Variants in NXPE1 observed in about 807,000 individuals in gnomAD.
NXPE1 encodes the protein NXPE family member 1.
A neutral mutation model predicts 33.3 loss-of-function variants in NXPE1; 31 were observed. That is an observed-to-expected ratio of 0.93 (90% CI 0.70 to 1.26). The LOEUF is 1.26. Ranked by LOEUF, NXPE1 falls within the 50% of genes most tolerant of loss-of-function variation. The pLI, the probability that NXPE1 is intolerant of heterozygous loss-of-function variation, is 0.00. For synonymous variants in NXPE1, 229 were observed against 231.4 expected, an observed-to-expected ratio of 0.99 and a Z score of 0.09; for missense variants, 661 against 655.6, an observed-to-expected ratio of 1.01 and a Z score of -0.09.
Position 114,523,101 on chromosome 11 carries a change from A to G in NXPE1, c.896-10T>C, listed in dbSNP as rs1321127203. 3.1e-6 allele frequency: 5 copies of G among 1,595,000 alleles called. No homozygotes were observed. The highest frequency in any genetic ancestry group is 3.4e-6 in the Non-Finnish European group (4 of 1,163,474). ...TCTATTTTTTCTCTCTCTGGTAACA[A>G]AGACACTCGTAAATGATTTTATTGG... On this transcript the variant is annotated splice_polypyrimidine_tract_variant and intron_variant, in intron 7 of 8. Transcript: ENST00000534921.
Position 114,530,926 on chromosome 11 carries a change from G to T in NXPE1, c.100-18C>A. On this transcript the variant is annotated intron_variant, in intron 5 of 8. Transcript: ENST00000534921. ...GACCAAAGCTGAAATGACAAGGATT[G>T]TGATATACTATGAAATTAACCTGTC... 1.3e-6 allele frequency: 2 copies of T among 1,572,584 alleles called. No homozygotes were observed. The highest frequency in any genetic ancestry group is 1.7e-6 in the Non-Finnish European group (2 of 1,163,188).
chr11:114,521,635 G>A (rs60907030), downstream of NXPE1: 886 of 216,488 alleles, frequency 4.1e-3, 7 homozygotes, highest in African/African-American at 0.019. Context: ...CTTTTCAATA[G>A]ACAGAGCTAG....
intron 5 of NXPE1, among the ~76,000 whole-genome samples, chr11:114,549,969 G>T (rs2135103483): frequency 6.6e-6 from 1 of 151,968 alleles, no homozygotes; most frequent in East Asian, 1.9e-4. Context: ...TCCAATATAT[G>T]GCAGCAAAAT....
chr11:114,536,692 T>C (rs913125132), intron 5 of NXPE1, among the ~76,000 whole-genome samples: 1 of 152,166 alleles, frequency 6.6e-6, no homozygotes, highest in South Asian at 2.1e-4. Context: ...AAGAAATGGA[T>C]AAATTCCTTG....
chr11:114,540,807 C>A, intron 5 of NXPE1, among the ~76,000 whole-genome samples: 1 of 128,106 alleles, frequency 7.8e-6, no homozygotes, highest in Non-Finnish European at 1.6e-5. Context: ...AGTCTACTAG[C>A]AGAGTAGCTA....
intron 7 of NXPE1, chr11:114,526,496 A>G (rs1947373836): frequency 1.5e-5 from 1 of 65,894 alleles, no homozygotes; most frequent in Admixed American, 1.4e-4. Context: ...ATTTTAAACC[A>G]CAAAGTGGAT....
chr11:114,557,058 A>G (rs1263116789), intron 1 of NXPE1, among the ~76,000 whole-genome samples: 1 of 151,670 alleles, frequency 6.6e-6, no homozygotes, highest in Non-Finnish European at 1.5e-5. Context: ...ACACCTGGCC[A>G]ATTTTTTGTA....
At chr11:114,534,815 T>G (rs1947735298) in intron 5 of NXPE1, among the ~76,000 whole-genome samples, 1 of 152,188 alleles carries the variant, frequency 6.6e-6, no homozygotes, top group Non-Finnish European at 1.5e-5. Context: ...TTGGTGTACC[T>G]GAAAGTGACG....
intron 7 of NXPE1, among the ~76,000 whole-genome samples, chr11:114,526,238 A>C (rs1947365571): frequency 6.6e-6 from 1 of 152,184 alleles, no homozygotes; most frequent in Non-Finnish European, 1.5e-5. Context: ...GGATTAGCTC[A>C]ATGAGACCAG....
intron 6 of NXPE1, chr11:114,528,835 G>T (rs1186450996): frequency 3.0e-6 from 2 of 676,984 alleles, no homozygotes; most frequent in East Asian, 2.7e-5. Context: ...GTGCCATCCT[G>T]AGAAGAGAAA....
At chr11:114,525,765 A>T (rs1021343506) in intron 7 of NXPE1, among the ~76,000 whole-genome samples, 4 of 152,162 alleles carry the variant, frequency 2.6e-5, no homozygotes, top group Admixed American at 1.3e-4. Context: ...GTTTTGCACC[A>T]TTTAGTGAAG....
At chr11:114,537,106 G>C (rs555937990) in intron 5 of NXPE1, among the ~76,000 whole-genome samples, 79 of 152,088 alleles carry the variant, frequency 5.2e-4, no homozygotes, top group Non-Finnish European at 9.1e-4. Flanking sequence ...TTCAACCCTG[G>C]GATGCAAGGC....
intron 1 of NXPE1, chr11:114,553,843 ACAT>A: frequency 2.1e-6 from 2 of 958,354 alleles, no homozygotes; most frequent in South Asian, 4.8e-5. Context: ...TCATTCAGTG[ACAT>A]CATCTTGGTA....
intron 1 of NXPE1, among the ~76,000 whole-genome samples, chr11:114,557,625 T>C (rs540015326): frequency 1.7e-4 from 19 of 113,944 alleles, no homozygotes; most frequent in African/African-American, 3.1e-4. Context: ...CAATATATTA[T>C]ATATAATACA....
chr11:114,557,674 A>T lies in NXPE1; in HGVS notation c.-211+2124T>A, dbSNP rs865974642. ...ATATATATATATATATATATATATAAAATCCTTGTTCATTTATATTTGTAC... is the reference window on the plus strand; with the variant it reads ...ATATATATATATATATATATATATATAATCCTTGTTCATTTATATTTGTAC... On this transcript the variant is annotated intron_variant, in intron 1 of 8. Transcript: ENST00000534921. 6.0e-4 allele frequency among the ~76,000 whole-genome samples: 78 copies of T among 129,356 alleles called. 1 individual carries two copies. The highest frequency in any genetic ancestry group is 1.9e-3 in the African/African-American group (68 of 35,676). The allele number at this position is 129,356 out of a possible 152,430, so 84.9% of individuals were successfully genotyped here.
chr11:114,536,445 A>G (rs1234053605), intron 5 of NXPE1, among the ~76,000 whole-genome samples: 1 of 152,216 alleles, frequency 6.6e-6, no homozygotes, highest in Non-Finnish European at 1.5e-5. Flanking sequence ...AGCAGGACTG[A>G]AGGAAATAGA....
chr11:114,551,194 G>C lies in NXPE1; in HGVS notation c.8C>G (p.Ser3Ter). 3 of 1,532,442 alleles carry C rather than the reference G, an allele frequency of 2.0e-6. No homozygotes were observed. Among genetic ancestry groups the C allele is most frequent in the Non-Finnish European group, 2.6e-6 (3 of 1,143,650 alleles). 94.9% of individuals were successfully genotyped at this position (1,532,442 alleles called of 1,614,324 possible). A position where few individuals can be genotyped will look rare whatever the true frequency, so the allele number is the denominator to read the frequency against. The change falls in exon 5 of 9, where the codon TCA becomes TGA. Residue 3 changes from serine to a stop codon, truncating the protein, a stop_gained. Coordinates refer to ENST00000534921, the Ensembl canonical transcript of NXPE1. LOFTEE classifies it high-confidence loss of function. ...CAGCGTTTTTTGAAGCATTGTATTT[G>C]AGGACATGACGAATGTCCTAGGAGA...
intron 5 of NXPE1, among the ~76,000 whole-genome samples, chr11:114,531,138 A>G (rs1034927473): frequency 6.6e-6 from 1 of 151,808 alleles, no homozygotes; most frequent in Non-Finnish European, 1.5e-5. Flanking sequence ...TATCAATATT[A>G]TTTAAATTGT....
intron 7 of NXPE1, among the ~76,000 whole-genome samples, chr11:114,526,209 A>T (rs148570052): frequency 6.6e-6 from 1 of 152,214 alleles, no homozygotes; most frequent in Non-Finnish European, 1.5e-5. Context: ...AGGAAGGAAC[A>T]TGCTCCTGCT....
Sources: gnomAD v4.1 joint callset for allele counts (sites outside exome capture counted in the v4.1 genomes callset) on GRCh38, gnomAD v4.1.1 for gene constraint, MANE v1.5 for transcripts, NCBI Gene and HGNC (gene_info 2026-07-23, HGNC 2026-07-21) for gene names.